The following EXOC4 variants were observed in gnomAD, a reference collection of about 807,000 sequenced individuals.
EXOC4 encodes SEC8-like 1.
A neutral mutation model predicts 107.2 loss-of-function variants in EXOC4; 71 were observed. The observed-to-expected ratio is 0.66, with a 90% confidence interval of 0.55 to 0.81. EXOC4 has a LOEUF of 0.81. Ranked by LOEUF, EXOC4 falls within the 30% of genes least tolerant of loss-of-function variation. EXOC4 has a pLI of 0.00. For missense variants in EXOC4, 1,108 were observed against 1,189.6 expected, an observed-to-expected ratio of 0.93 and a Z score of 1.01; for synonymous variants, 456 against 441.2, an observed-to-expected ratio of 1.03 and a Z score of -0.42.
At chr7:133,728,180 A>G (rs544002623) in intron 10 of EXOC4, among the ~76,000 whole-genome samples, 127 of 152,326 alleles carry the variant, frequency 8.3e-4, no homozygotes, top group African/African-American at 2.8e-3. Context: ...TTATGTTAGA[A>G]ATTTATGGTA....
At chr7:133,947,093 G>A (rs1197972954) in intron 14 of EXOC4, among the ~76,000 whole-genome samples, 3 of 152,182 alleles carry the variant, frequency 2.0e-5, no homozygotes, top group African/African-American at 4.8e-5. Context: ...TGGCCTGTCC[G>A]AGCTAAATAG....
At chr7:133,843,809 G>A (rs1303786069) in intron 11 of EXOC4, among the ~76,000 whole-genome samples, 1 of 152,020 alleles carries the variant, frequency 6.6e-6, no homozygotes, top group Non-Finnish European at 1.5e-5. Flanking sequence ...TGTCATAGAT[G>A]GTTCATATTA....
chr7:133,346,280 C>T (rs952322640), intron 5 of EXOC4, among the ~76,000 whole-genome samples: 2 of 152,104 alleles, frequency 1.3e-5, no homozygotes, highest in Admixed American at 6.5e-5. Context: ...GCCTGTGGAG[C>T]GCATTAAGTC....
At chr7:133,707,250 G>A (rs1279859741) in intron 10 of EXOC4, among the ~76,000 whole-genome samples, 1 of 152,096 alleles carries the variant, frequency 6.6e-6, no homozygotes, top group African/African-American at 2.4e-5. Flanking sequence ...AAAATGTGGT[G>A]GTGCATGTCT....
intron 7 of EXOC4, 140 bp downstream of exon 7, chr7:133,375,142 G>A (rs1796461063): frequency 1.4e-6 from 1 of 697,876 alleles, no homozygotes; most frequent in Non-Finnish European, 2.3e-6. Context: ...GCATTTGAAT[G>A]TGATGTTGCT....
At position 133,997,614 on chromosome 7, in the gene EXOC4, G is replaced by A. The variant is rs1794426897; in HGVS notation, c.2329G>A (p.Val777Ile). The A allele has an allele frequency of 6.2e-7, 1 of 1,613,312 alleles. No individual in the cohort carries two copies. Among genetic ancestry groups the A allele is most frequent in the Non-Finnish European group, 8.5e-7 (1 of 1,179,658 alleles). Residue 777 changes from valine (V) to isoleucine (I), a missense_variant, in exon 15 of 18, where the codon GTC becomes ATC. Transcript: ENST00000253861. ...FQDMADRCLL[V>I]LHLEVRVHCF... ...GGATATGGCTGACCGCTGCTTGCTT[G>A]TCTTACATCTGGAAGTGAGGTATGA...
intron 7 of EXOC4, among the ~76,000 whole-genome samples, chr7:133,407,671 G>A (rs530595433): frequency 1.5e-3 from 224 of 152,124 alleles, no homozygotes; most frequent in Non-Finnish European, 2.3e-3. Context: ...TAAATTCTAG[G>A]AGTGAGATTA....
intron 5 of EXOC4, among the ~76,000 whole-genome samples, chr7:133,338,686 G>A (rs1293022987): frequency 6.6e-6 from 1 of 150,554 alleles, no homozygotes; most frequent in Non-Finnish European, 1.5e-5. Context: ...ATTTTTTAGT[G>A]GTGATTTCTG....
chr7:133,886,920 C>T (rs1451531375), intron 11 of EXOC4, among the ~76,000 whole-genome samples: 2 of 152,178 alleles, frequency 1.3e-5, no homozygotes, highest in Non-Finnish European at 1.5e-5. Flanking sequence ...ATTTGGCAAA[C>T]TACAGTGTCA....
chr7:133,885,049 C>T (rs776206378), intron 11 of EXOC4, among the ~76,000 whole-genome samples: 80 of 152,288 alleles, frequency 5.3e-4, no homozygotes, highest in South Asian at 1.4e-3. Context: ...GGCGCAGTGG[C>T]TCACGCCTAT....
intron 7 of EXOC4, among the ~76,000 whole-genome samples, chr7:133,389,594 A>T (rs2129807): frequency 0.015 from 223 of 15,188 alleles, 21 homozygotes; most frequent in African/African-American, 0.027. Flanking sequence ...AAAAAAAAAA[A>T]AGAGAGTCTT....
At chr7:133,838,229 A>T (rs890330706) in intron 11 of EXOC4, among the ~76,000 whole-genome samples, 1 of 152,190 alleles carries the variant, frequency 6.6e-6, no homozygotes, top group Non-Finnish European at 1.5e-5. Flanking sequence ...AGAGAATGAT[A>T]TGGGGCCCAG....
intron 11 of EXOC4, among the ~76,000 whole-genome samples, chr7:133,877,886 C>T (rs1271101809): frequency 6.6e-6 from 1 of 152,208 alleles, no homozygotes; most frequent in Non-Finnish European, 1.5e-5. Flanking sequence ...TCTGTCTCCT[C>T]AACCTAAGAA....
At chr7:133,984,554 A>C (rs1794070507) in intron 14 of EXOC4, among the ~76,000 whole-genome samples, 1 of 152,238 alleles carries the variant, frequency 6.6e-6, no homozygotes, top group African/African-American at 2.4e-5. Context: ...CCTTAACTTG[A>C]AGATAAAATT....
intron 9 of EXOC4, among the ~76,000 whole-genome samples, chr7:133,482,253 C>A (rs2150862790): frequency 1.3e-5 from 2 of 152,216 alleles, no homozygotes; most frequent in Middle Eastern, 3.4e-3. Context: ...AACAGAGTTC[C>A]TGTGTGCCCT....
At chr7:133,696,068 T>A (rs1453914456) in intron 10 of EXOC4, among the ~76,000 whole-genome samples, 1 of 151,938 alleles carries the variant, frequency 6.6e-6, no homozygotes, top group Non-Finnish European at 1.5e-5. Flanking sequence ...AGCATGACAG[T>A]GTTAAAGTAT....
chr7:133,968,739 G>A (rs1801130933), intron 14 of EXOC4, among the ~76,000 whole-genome samples: 1 of 152,050 alleles, frequency 6.6e-6, no homozygotes, highest in Non-Finnish European at 1.5e-5. Flanking sequence ...TCCCTTTGTG[G>A]GTAACCCGAC....
intron 12 of EXOC4, among the ~76,000 whole-genome samples, chr7:133,913,391 A>G (rs1799738426): frequency 6.6e-6 from 1 of 152,228 alleles, no homozygotes; most frequent in Non-Finnish European, 1.5e-5. Context: ...GGTGAGTTCA[A>G]CTGATGGTCT....
At chr7:134,094,609 C>G in the EXOC4 span, among the ~76,000 whole-genome samples, 99 of 151,806 alleles carry the variant, frequency 6.5e-4, no homozygotes, top group African/African-American at 2.4e-3. Context: ...AAAGACACAA[C>G]GAAAAAAGGA....
Sources: allele counts gnomAD v4.1 joint callset (sites outside exome capture counted in the v4.1 genomes callset), GRCh38; gene constraint gnomAD v4.1.1; transcripts MANE v1.5; gene names NCBI Gene and HGNC (gene_info 2026-07-23, HGNC 2026-07-21).